BRD8: variants seen among roughly 807,000 people sequenced by gnomAD.
BRD8 encodes bromodomain containing 8.
BRD8 carries 67 observed loss-of-function variants against 143.1 expected under a neutral mutation model. The observed-to-expected ratio is 0.47, with a 90% CI of 0.38 to 0.57. The LOEUF (loss-of-function observed/expected upper bound fraction) is 0.57, where lower values mean the gene tolerates loss of function less well. Among genes scored for constraint, BRD8 ranks in the 20% least tolerant of loss-of-function variants. The pLI, the probability that BRD8 is intolerant of heterozygous loss-of-function variation, is 0.00. For synonymous variants in BRD8, 505 were observed against 517.1 expected (o/e 0.98, Z 0.32); for missense variants, 1,103 against 1,503.0 (o/e 0.73, Z 4.40).
At chr5:138,140,227 GT>G in intron 26 of BRD8, 61 bp from the exon 27 acceptor site, 1 of 1,301,912 alleles carries the variant, frequency 7.7e-7, no homozygotes, top group Non-Finnish European at 1.1e-6. Flanking sequence ...AGTATTGCAA[GT>G]TTATTTTTTT....
chr5:138,154,204 C>T (rs1375159468), intron 20 of BRD8, among the ~76,000 whole-genome samples: 1 of 152,172 alleles, frequency 6.6e-6, no homozygotes, highest in Non-Finnish European at 1.5e-5. Context: ...CAGCTATCAC[C>T]TCAAATATAA....
chr5:138,156,197 T>A (rs908549986), intron 20 of BRD8, among the ~76,000 whole-genome samples: 1 of 151,594 alleles, frequency 6.6e-6, no homozygotes, highest in African/African-American at 2.4e-5. Context: ...TGGAGTGCAG[T>A]GACGCGATCT....
chr5:138,150,024 T>A (rs910469296), intron 22 of BRD8, among the ~76,000 whole-genome samples: 1 of 152,152 alleles, frequency 6.6e-6, no homozygotes, highest in Non-Finnish European at 1.5e-5. Flanking sequence ...TCCAGCAAAA[T>A]GGAAAAGCAT....
chr5:138,173,440 T>C (rs1265872364), intron 2 of BRD8, among the ~76,000 whole-genome samples: 2 of 152,020 alleles, frequency 1.3e-5, no homozygotes, highest in Non-Finnish European at 2.9e-5. Context: ...CTAATAAAAA[T>C]GTGAGGAAAT....
chr5:138,140,695 C>T lies in BRD8; in HGVS notation c.3615+10G>A, dbSNP rs200535829. 6.2e-7 allele frequency: 1 copy of T among 1,611,542 alleles called. No individual in the cohort carries two copies. The highest frequency in any genetic ancestry group is 1.7e-5 in the Admixed American group (1 of 60,012). On this transcript the variant is annotated intron_variant, in intron 26 of 26. Coordinates refer to ENST00000254900, the MANE Select transcript of BRD8 (RefSeq NM_139199.2). Reference sequence around the variant, plus strand: ...AGATTCCAGAGGCTACAGGTATCTGCATACAGTACCTGAATCTGCTCCAGG... The same window carrying T: ...AGATTCCAGAGGCTACAGGTATCTGTATACAGTACCTGAATCTGCTCCAGG...
chr5:138,154,251 C>T (rs1256796100), intron 20 of BRD8, among the ~76,000 whole-genome samples: 1 of 152,054 alleles, frequency 6.6e-6, no homozygotes. Flanking sequence ...CAAATTTAGC[C>T]TTATTTTGTT....
At position 138,140,938 on chromosome 5, in the gene BRD8, T is replaced by G. The variant is rs990765084; in HGVS notation, c.3438-56A>C. On this transcript the variant is annotated intron_variant, in intron 25 of 26. Coordinates refer to ENST00000254900, the MANE Select transcript of BRD8 (RefSeq NM_139199.2). ...TCAAACCTTCATGTGGAACATATGATAACCTAACACGTTCTCTTGAAGAAC... is the reference window on the plus strand; with the variant it reads ...TCAAACCTTCATGTGGAACATATGAGAACCTAACACGTTCTCTTGAAGAAC... The G allele has an allele frequency of 5.1e-6, 8 of 1,569,830 alleles. No individual in the cohort carries two copies. The Admixed American group carries it at 1.3e-4, about 26-fold the overall frequency.
intron 25 of BRD8, among the ~76,000 whole-genome samples, chr5:138,141,132 AT>A (rs34463315): frequency 0.2 from 29,000 of 144,374 alleles, 2,843 homozygotes; most frequent in Middle Eastern, 0.23. Flanking sequence ...TTAATATCTC[AT>A]TTTTTTTTTT....
intron 22 of BRD8, 82 bp from the exon 23 acceptor site, chr5:138,149,879 G>A (rs761644095): frequency 3.9e-5 from 54 of 1,398,614 alleles, no homozygotes; most frequent in East Asian, 7.2e-5. Flanking sequence ...GTAAATGAAG[G>A]CTGCCCTTAA....
intron 20 of BRD8, among the ~76,000 whole-genome samples, chr5:138,158,662 C>T (rs978327935): frequency 1.0e-4 from 15 of 150,724 alleles, no homozygotes; most frequent in African/African-American, 3.7e-4. Flanking sequence ...AGGCTGGTCT[C>T]GAACTCCCGA....
chr5:138,147,534 C>T (rs1752203138), intron 23 of BRD8, among the ~76,000 whole-genome samples: 1 of 152,054 alleles, frequency 6.6e-6, no homozygotes, highest in African/African-American at 2.4e-5. Flanking sequence ...CTTTGCTGGA[C>T]GTAGTGGCTC....
At chr5:138,149,307 C>T (rs1462402933) in intron 23 of BRD8, among the ~76,000 whole-genome samples, 1 of 151,718 alleles carries the variant, frequency 6.6e-6, no homozygotes, top group Non-Finnish European at 1.5e-5. Context: ...TTTGTAGAGG[C>T]ATGGTCTCCC....
intron 24 of BRD8, 67 bp from the exon 25 acceptor site, chr5:138,145,312 C>T: frequency 2.1e-6 from 3 of 1,454,502 alleles, no homozygotes; most frequent in Non-Finnish European, 2.9e-6. Flanking sequence ...AGAAGAGTAG[C>T]TCAGTTCTTA....
rs1352341203 is a variant in BRD8, at chr5:138,164,887, A to C, written c.1558T>G (p.Ser520Ala). 6.2e-7 allele frequency: 1 copy of C among 1,614,212 alleles called. No individual in the cohort carries two copies. Among genetic ancestry groups the C allele is most frequent in the Middle Eastern group, 1.6e-4 (1 of 6,062 alleles). Reference sequence around the variant, plus strand: ...ACTCCAGCTACTATTTCGGCTCCTGAAATGACTGGCTCTGGTTCTGCAGGT... The same window carrying C: ...ACTCCAGCTACTATTTCGGCTCCTGCAATGACTGGCTCTGGTTCTGCAGGT... ...VEPAEPEPVI[S>A]GAEIVAGVVP... Residue 520 changes from serine (S) to alanine (A), a missense_variant, in exon 12 of 27, where the codon TCA (serine) becomes GCA (alanine). Coordinates refer to ENST00000254900, the MANE Select transcript of BRD8 (RefSeq NM_139199.2).
In BRD8 at chr5:138,170,797, AAAG is replaced by A. The variant is rs557829899; in HGVS notation, c.440+32_440+34del. 3,077 of 1,570,958 alleles carry A rather than the reference AAAG, an allele frequency of 2.0e-3. 7 individuals carry two copies. Among genetic ancestry groups the A allele is most frequent in the Non-Finnish European group, 1.9e-3 (2,170 of 1,141,364 alleles). On this transcript the variant is annotated intron_variant, in intron 6 of 26. Transcript: ENST00000254900. The stretch of plus-strand genomic sequence containing the variant: ...CTTGAGGGGAAAAGAGGGTAAAAAG[AAAG>A]AAGCACAGAAGAACAATATAATATA...
Position 138,177,678 on chromosome 5 carries a change from G to GGGA in BRD8, c.20-12_20-11insTCC. The GGGA allele has an allele frequency of 8.0e-7, 1 of 1,247,838 alleles. No homozygotes were observed. The highest frequency in any genetic ancestry group is 1.1e-6 in the Non-Finnish European group (1 of 937,974). The allele number at this position is 1,247,838 out of a possible 1,614,324, so 77.3% of individuals were successfully genotyped here. Reference sequence around the variant, plus strand: ...TTAGCAGCTTGTGTTCTGGGAAAGGGAGAAAAAAAAAAAAGCCTTGGAAAC... The same window carrying GGGA: ...TTAGCAGCTTGTGTTCTGGGAAAGGGGGAAGAAAAAAAAAAAAGCCTTGGAAAC... On this transcript the variant is annotated splice_polypyrimidine_tract_variant and intron_variant, in intron 1 of 26. Coordinates refer to ENST00000254900, the MANE Select transcript of BRD8 (RefSeq NM_139199.2).
chr5:138,165,314 T>C (rs2269954), intron 11 of BRD8, 148 bp from the exon 12 acceptor site: 266,709 of 778,398 alleles, frequency 0.34, 49,186 homozygotes, highest in South Asian at 0.44. Flanking sequence ...GAGGCACCTG[T>C]CCTGTGCAAA....
Position 138,140,206 on chromosome 5 carries a change from T to C in BRD8, c.3616-40A>G, listed in dbSNP as rs1751846274. 5.6e-6 allele frequency: 8 copies of C among 1,428,530 alleles called. No homozygotes were observed. In the East Asian group the frequency reaches 1.4e-4, roughly 24 times the overall value. 88.5% of individuals were successfully genotyped at this position (1,428,530 alleles called of 1,614,324 possible). A position where few individuals can be genotyped will look rare whatever the true frequency, so the allele number is the denominator to read the frequency against. ...AACACATAGCAAGCTATTATGAACCTTAAACACTAAAGTATTGCAAGTTTA... is the reference window on the plus strand; with the variant it reads ...AACACATAGCAAGCTATTATGAACCCTAAACACTAAAGTATTGCAAGTTTA... On this transcript the variant is annotated intron_variant, in intron 26 of 26. Transcript: ENST00000254900.
rs1224236447 is a variant in BRD8, at chr5:138,175,896, A to T, written c.116+1675T>A. Among the ~76,000 whole-genome samples the T allele has an allele frequency of 3.3e-5, 4 of 121,718 alleles. No homozygotes were observed. The East Asian group carries it at 1.1e-3, about 34-fold the overall frequency. The allele number at this position is 121,718 out of a possible 152,430, so 79.9% of individuals were successfully genotyped here. A position where few individuals can be genotyped will look rare whatever the true frequency, so the allele number is the denominator to read the frequency against. On this transcript the variant is annotated intron_variant, in intron 2 of 26. Coordinates refer to ENST00000254900, the MANE Select transcript of BRD8 (RefSeq NM_139199.2). ...ACTACTGCACTCCAGCCTGGGTGAC[A>T]GTGAGACCCTGTCTGCAAAAAAAAA...
Sources: allele counts gnomAD v4.1 joint callset (sites outside exome capture counted in the v4.1 genomes callset), GRCh38; gene constraint gnomAD v4.1.1; transcripts MANE v1.5; gene names NCBI Gene and HGNC (gene_info 2026-07-23, HGNC 2026-07-21).